The following ZBTB20 variants were observed in gnomAD, a reference collection of about 807,000 sequenced individuals.
ZBTB20 encodes zinc finger and BTB domain-containing protein 20.
ZBTB20 carries 9 observed loss-of-function variants against 56.9 expected under a neutral mutation model. The ratio of observed to expected loss-of-function variants is 0.16; its 90% CI spans 0.10 to 0.28. The LOEUF is 0.28. Ranked by LOEUF, ZBTB20 falls within the 10% of genes least tolerant of loss-of-function variation. The pLI is 1.00. For synonymous variants in ZBTB20, 417 were observed against 420.7 expected, an observed-to-expected ratio of 0.99 and a Z score of 0.11; for missense variants, 655 against 1,003.0, an observed-to-expected ratio of 0.65 and a Z score of 4.69.
chr3:114,378,382 C>T (rs2083906849), intron 10 of ZBTB20, among the ~76,000 whole-genome samples: 1 of 152,184 alleles, frequency 6.6e-6, no homozygotes, highest in African/African-American at 2.4e-5. Flanking sequence ...AGCTGGAGAT[C>T]AGGTTTCTCC....
chr3:114,904,130 T>C (rs1576284458), intron 3 of ZBTB20, among the ~76,000 whole-genome samples: 1 of 152,132 alleles, frequency 6.6e-6, no homozygotes, highest in South Asian at 2.1e-4. Context: ...TTTGTTTGTT[T>C]GTTTGTTTGT....
At chr3:114,551,661 C>T (rs2050595927) in intron 6 of ZBTB20, among the ~76,000 whole-genome samples, 1 of 152,130 alleles carries the variant, frequency 6.6e-6, no homozygotes, top group African/African-American at 2.4e-5. Context: ...TCTTTGGAAA[C>T]CATGGATAAT....
chr3:114,441,153 T>C (rs1267606395), intron 7 of ZBTB20, among the ~76,000 whole-genome samples: 1 of 152,172 alleles, frequency 6.6e-6, no homozygotes, highest in Non-Finnish European at 1.5e-5. Context: ...GGTAAATGCT[T>C]AGAAAATACA....
At chr3:114,970,088 T>C (rs1055065358) in intron 3 of ZBTB20, among the ~76,000 whole-genome samples, 4 of 152,246 alleles carry the variant, frequency 2.6e-5, no homozygotes, top group Non-Finnish European at 5.9e-5. Context: ...GGGCTCTTGA[T>C]AGGTCCTGGG....
At chr3:114,708,211 G>A (rs1021500759) in intron 5 of ZBTB20, among the ~76,000 whole-genome samples, 12 of 152,062 alleles carry the variant, frequency 7.9e-5, no homozygotes, top group Admixed American at 2.0e-4. Context: ...AAATGTTTTG[G>A]TTACTCTAAG....
intron 6 of ZBTB20, chr3:114,527,220 A>C (rs1577305223): frequency 1.3e-5 from 2 of 152,358 alleles, no homozygotes; most frequent in East Asian, 3.9e-4. Context: ...TTGTTACTGC[A>C]GTGGCCACTA....
chr3:114,771,334 A>T (rs1472829134), intron 5 of ZBTB20, among the ~76,000 whole-genome samples: 3 of 152,190 alleles, frequency 2.0e-5, no homozygotes, highest in African/African-American at 7.2e-5. Context: ...TTGATTTGTG[A>T]TTACTTAATT....
intron 6 of ZBTB20, among the ~76,000 whole-genome samples, chr3:114,668,336 T>C (rs1158067394): frequency 6.6e-6 from 1 of 152,024 alleles, no homozygotes; most frequent in Non-Finnish European, 1.5e-5. Flanking sequence ...AACAGCACAA[T>C]AATAGTACCC....
chr3:115,076,777 A>G (rs1576720777), intron 1 of ZBTB20, among the ~76,000 whole-genome samples: 1 of 152,334 alleles, frequency 6.6e-6, no homozygotes, highest in African/African-American at 2.4e-5. Flanking sequence ...CAAACCTTAT[A>G]TCTCAGTGAT....
intron 4 of ZBTB20, among the ~76,000 whole-genome samples, chr3:114,859,292 CTTCCTTCT>C (rs1560330484): frequency 2.4e-4 from 25 of 104,310 alleles, no homozygotes; most frequent in Non-Finnish European, 3.7e-4. Flanking sequence ...TCCTTTCTTC[CTTCCTTCT>C]TTCCTTCCTT....
In ZBTB20 at chr3:115,127,733, G is replaced by A. The variant is rs72945788; in HGVS notation, c.-703+19486C>T. Reference sequence around the variant, plus strand: ...AGAAATCAAATAAACTCAACTGACCGCTGAATAAGATAACAGGTGTCATAT... The same window carrying A: ...AGAAATCAAATAAACTCAACTGACCACTGAATAAGATAACAGGTGTCATAT... On this transcript the variant is annotated intron_variant, in intron 1 of 11. Transcript: ENST00000675478. 5.9e-3 allele frequency among the ~76,000 whole-genome samples: 901 copies of A among 152,226 alleles called. 12 individuals carry two copies. The highest frequency in any genetic ancestry group is 0.021 in the African/African-American group (871 of 41,524).
chr3:114,575,647 C>T (rs1438719095), intron 6 of ZBTB20, among the ~76,000 whole-genome samples: 1 of 149,838 alleles, frequency 6.7e-6, no homozygotes, highest in Non-Finnish European at 1.5e-5. Context: ...TAGTAAACAA[C>T]ACGAACTATT....
At chr3:114,745,884 G>A (rs941446155) in intron 5 of ZBTB20, among the ~76,000 whole-genome samples, 1 of 152,104 alleles carries the variant, frequency 6.6e-6, no homozygotes, top group Admixed American at 6.6e-5. Flanking sequence ...GGAGACTCCA[G>A]GACAAGGAGG....
chr3:114,842,759 T>C (rs1450486101), intron 4 of ZBTB20, among the ~76,000 whole-genome samples: 1 of 152,200 alleles, frequency 6.6e-6, no homozygotes. Context: ...TGGAAACGTA[T>C]AGGTTAGTGT....
chr3:115,099,888 A>G (rs1255378226), intron 1 of ZBTB20, among the ~76,000 whole-genome samples: 1 of 152,140 alleles, frequency 6.6e-6, no homozygotes, highest in African/African-American at 2.4e-5. Context: ...AAAGATTCTG[A>G]TTTATTTGGT....
At chr3:114,891,373 T>TA (rs1384068073) in intron 4 of ZBTB20, among the ~76,000 whole-genome samples, 1 of 152,224 alleles carries the variant, frequency 6.6e-6, no homozygotes, top group Non-Finnish European at 1.5e-5. Flanking sequence ...TTTTATTTTT[T>TA]AAAAAACCTG....
intron 10 of ZBTB20, chr3:114,359,460 G>T (rs958328323): frequency 7.2e-5 from 11 of 152,194 alleles, no homozygotes; most frequent in African/African-American, 2.7e-4. Flanking sequence ...AATGAAATGA[G>T]GGGGAGAAGA....
At chr3:114,649,261 G>A (rs1412991934) in intron 6 of ZBTB20, among the ~76,000 whole-genome samples, 1 of 151,946 alleles carries the variant, frequency 6.6e-6, no homozygotes, top group Non-Finnish European at 1.5e-5. Context: ...TCAATCAGAT[G>A]AGTCTCCATG....
At chr3:114,817,344 C>A (rs1046328098) in intron 4 of ZBTB20, among the ~76,000 whole-genome samples, 25 of 151,952 alleles carry the variant, frequency 1.6e-4, no homozygotes, top group African/African-American at 5.3e-4. Flanking sequence ...CATGGAGAAA[C>A]CCCGTCTCTA....
Sources: allele counts gnomAD v4.1 joint callset (sites outside exome capture counted in the v4.1 genomes callset), GRCh38; gene constraint gnomAD v4.1.1; transcripts MANE v1.5; gene names NCBI Gene and HGNC (gene_info 2026-07-23, HGNC 2026-07-21).